MTA1: variants seen among roughly 807,000 people sequenced by gnomAD.
MTA1 encodes the protein metastasis-associated protein MTA1.
A neutral mutation model predicts 97.0 loss-of-function variants in MTA1; 15 were observed. That is an observed-to-expected ratio of 0.15 (90% confidence interval 0.10 to 0.24). The LOEUF (loss-of-function observed/expected upper bound fraction) is 0.24, where lower values mean the gene tolerates loss of function less well. MTA1 is among the 10% of genes least tolerant of loss of function. MTA1 has a pLI of 1.00. For synonymous variants in MTA1, 435 were observed against 417.5 expected (o/e 1.04, Z -0.51); for missense variants, 709 against 1,015.1 (o/e 0.70, Z 4.10).
At chr14:105,450,370 C>G (rs1555428337) in intron 6 of MTA1, 46 bp downstream of exon 6, 3 of 1,572,648 alleles carry the variant, frequency 1.9e-6, no homozygotes, top group African/African-American at 2.7e-5. Flanking sequence ...TCCCGGGCCA[C>G]TGTTTCCTCT....
intron 15 of MTA1, 60 bp from the exon 16 acceptor site, chr14:105,465,034 G>T (rs1481699365): frequency 6.9e-7 from 1 of 1,452,638 alleles, no homozygotes; most frequent in South Asian, 1.4e-5. Flanking sequence ...TCAAGGCGCA[G>T]GCAGGGTCCC....
In MTA1 at chr14:105,466,543, G is replaced by A; in HGVS notation, c.1742G>A (p.Gly581Asp). 1 of 1,585,448 alleles carries A rather than the reference G, an allele frequency of 6.3e-7. No individual in the cohort carries two copies. The highest frequency in any genetic ancestry group is 1.8e-5 in the Admixed American group (1 of 56,458). ...AACAACGGCTCCCCCACCATCCTGGGCAAGCGCAGCTACGAGCAGCACAAC... is the reference window on the plus strand; with the variant it reads ...AACAACGGCTCCCCCACCATCCTGGACAAGCGCAGCTACGAGCAGCACAAC... ...VINNGSPTIL[G>D]KRSYEQHNGV... The change falls in exon 17 of 21, where the codon GGC becomes GAC. Residue 581 changes from glycine to aspartate, a missense_variant. By Grantham distance (94) the Gly-to-Asp change is moderately conservative (BLOSUM62 -1). Around this residue, in one of 2 missense-constraint regions of MTA1, gnomAD observed 388 missense variants for 421.6 expected, o/e 0.92. Coordinates refer to ENST00000331320, the MANE Select transcript of MTA1 (RefSeq NM_004689.4).
intron 2 of MTA1, 27 bp downstream of exon 2, chr14:105,438,766 AG>A (rs782252818): frequency 7.9e-6 from 12 of 1,524,924 alleles, no homozygotes; most frequent in East Asian, 2.4e-5. Flanking sequence ...GTGTTGCTGC[AG>A]GGGGGTAGTG....
rs976087213 is a variant in MTA1, at chr14:105,464,987, G to A, written c.1535-107G>A. On this transcript the variant is annotated intron_variant, in intron 15 of 20. Coordinates refer to ENST00000331320, the MANE Select transcript of MTA1 (RefSeq NM_004689.4). ...TCTCAGGGAGCCCCACGTCCTCCTCGGTGCTGACATGGCCGAGCCCAGTGA... is the reference window on the plus strand; with the variant it reads ...TCTCAGGGAGCCCCACGTCCTCCTCAGTGCTGACATGGCCGAGCCCAGTGA... 22 of 1,421,306 alleles carry A rather than the reference G, an allele frequency of 1.5e-5. No homozygotes were observed. The South Asian group carries it at 1.7e-4, about 11-fold the overall frequency. The allele number at this position is 1,421,306 out of a possible 1,614,324, so 88.0% of individuals were successfully genotyped here.
chr14:105,457,542 T>C (rs1477899921), intron 7 of MTA1, among the ~76,000 whole-genome samples: 1 of 152,236 alleles, frequency 6.6e-6, no homozygotes, highest in East Asian at 1.9e-4. Context: ...AGGGAGCCTG[T>C]GCCCCCAGAA....
intron 3 of MTA1, chr14:105,445,909 G>A (rs1179188199): frequency 2.9e-6 from 1 of 342,612 alleles, no homozygotes; most frequent in Admixed American, 4.5e-5. Context: ...TTTGCGGAGA[G>A]GCTTCTGTTG....
Position 105,449,977 on chromosome 14 carries a change from G to A in MTA1, c.242-81G>A, listed in dbSNP as rs117193126. On this transcript the variant is annotated intron_variant, in intron 4 of 20. Transcript: ENST00000331320. ...AGGACTGGGCCTCCTGCGTGCTGGC[G>A]CCAGGTGGGGCTGGTGGGGTGGGCC... 780 of 1,590,532 alleles carry A rather than the reference G, an allele frequency of 4.9e-4. 9 individuals are homozygous for A. In the East Asian group the frequency reaches 0.017, roughly 34 times the overall value.
chr14:105,464,591 G>A, intron 14 of MTA1, 24 bp downstream of exon 14: 1 of 1,611,892 alleles, frequency 6.2e-7, no homozygotes. Flanking sequence ...CACCCGCCCT[G>A]CCTGCCATGA....
chr14:105,462,957 C>T (rs2083416783), intron 10 of MTA1, among the ~76,000 whole-genome samples: 1 of 152,240 alleles, frequency 6.6e-6, no homozygotes, highest in Admixed American at 6.5e-5. Context: ...GCCAGCTCCT[C>T]TTCCCCTGGC....
Position 105,470,266 on chromosome 14 carries a change from C to T in MTA1, c.*51C>T, listed in dbSNP as rs1206360587. 1 of 1,367,540 alleles carries T rather than the reference C, an allele frequency of 7.3e-7. No homozygotes were observed. The highest frequency in any genetic ancestry group is 1.6e-5 in the African/African-American group (1 of 64,480). 84.7% of individuals were successfully genotyped at this position (1,367,540 alleles called of 1,614,324 possible). ...CCCGCCCCTCGCCCGCCCACACGGC[C>T]CCTTCCCAGCCAGCCCGCCGCCCGC... On this transcript the variant is annotated 3_prime_UTR_variant, in exon 21 of 21. Coordinates refer to ENST00000331320, the MANE Select transcript of MTA1 (RefSeq NM_004689.4).
At chr14:105,467,097 G>T (rs961815616) in intron 18 of MTA1, 1 of 437,732 alleles carries the variant, frequency 2.3e-6, no homozygotes, top group East Asian at 4.8e-5. Context: ...CAATCCTTCC[G>T]TGCGCCTGCC....
chr14:105,431,163 C>G (rs1011041722), intron 1 of MTA1, among the ~76,000 whole-genome samples: 3 of 152,144 alleles, frequency 2.0e-5, no homozygotes, highest in Non-Finnish European at 2.9e-5. Context: ...CAAGACTGTC[C>G]TCACTTCTCC....
chr14:105,460,736 C>T (rs782182755), intron 9 of MTA1, 29 bp from the exon 10 acceptor site: 2 of 1,536,742 alleles, frequency 1.3e-6, no homozygotes, highest in Non-Finnish European at 1.8e-6. Context: ...CCACCTTGGC[C>T]CGGGTGACCC....
At chr14:105,454,927 A>G (rs1314855450) in intron 7 of MTA1, among the ~76,000 whole-genome samples, 1 of 149,910 alleles carries the variant, frequency 6.7e-6, no homozygotes, top group Non-Finnish European at 1.5e-5. Context: ...TTTTTTTTGG[A>G]CAAGGTCTGG....
At chr14:105,442,512 T>G (rs2082570794) in intron 2 of MTA1, among the ~76,000 whole-genome samples, 1 of 152,240 alleles carries the variant, frequency 6.6e-6, no homozygotes, top group Non-Finnish European at 1.5e-5. Flanking sequence ...CTGTGATGAT[T>G]CCATGAAAAA....
intron 6 of MTA1, among the ~76,000 whole-genome samples, chr14:105,451,823 T>C (rs1555428795): frequency 8.0e-6 from 1 of 125,038 alleles, no homozygotes; most frequent in African/African-American, 2.9e-5. Flanking sequence ...AGAGTTTCGC[T>C]CTTGTTGCCC....
chr14:105,419,917 C>CA lies in MTA1; in HGVS notation c.-119_-118insA. On this transcript the variant is annotated 5_prime_UTR_variant, in exon 1 of 21. Transcript: ENST00000331320. Reference sequence around the variant, plus strand: ...GCGGCGGCGGCGGCGGCGGCAGCAGCGCGGCCCCTTTAAACGCCTGCGGCG... The same window carrying CA: ...GCGGCGGCGGCGGCGGCGGCAGCAGCAGCGGCCCCTTTAAACGCCTGCGGCG... 3.5e-6 allele frequency: 1 copy of CA among 287,206 alleles called. No individual in the cohort carries two copies. The highest frequency in any genetic ancestry group is 5.2e-6 in the Non-Finnish European group (1 of 193,430). The allele number at this position is 287,206 out of a possible 1,614,324, so 17.8% of individuals were successfully genotyped here.
intron 1 of MTA1, among the ~76,000 whole-genome samples, chr14:105,428,936 A>G (rs587706249): frequency 4.4e-4 from 67 of 152,006 alleles, no homozygotes; most frequent in Middle Eastern, 6.8e-3. Flanking sequence ...TGTTGCCCAC[A>G]CTAGTCTCAA....
chr14:105,465,166 C>T lies in MTA1; in HGVS notation c.1607C>T (p.Ala536Val). The change falls in exon 16 of 21, where the codon GCC (alanine) becomes GTC (valine). Residue 536 changes from alanine to valine, a missense_variant. Around this residue, in one of 2 missense-constraint regions of MTA1, gnomAD observed 388 missense variants for 421.6 expected, o/e 0.92. Coordinates refer to ENST00000331320, the MANE Select transcript of MTA1 (RefSeq NM_004689.4). Reference sequence around the variant, plus strand: ...CAGGCGGTACGCAAGCCGCTGGAAGCCGTGCTTCGGTATCTTGGTGAGCAG... The same window carrying T: ...CAGGCGGTACGCAAGCCGCTGGAAGTCGTGCTTCGGTATCTTGGTGAGCAG... The part of the protein sequence containing the change: ...LKQAVRKPLE[A>V]VLRYLETHPR... The T allele has an allele frequency of 2.6e-6, 4 of 1,521,568 alleles. No homozygotes were observed. The highest frequency in any genetic ancestry group is 3.5e-6 in the Non-Finnish European group (4 of 1,128,332). The allele number at this position is 1,521,568 out of a possible 1,614,324, so 94.3% of individuals were successfully genotyped here.
Sources: gnomAD v4.1 joint callset for allele counts (sites outside exome capture counted in the v4.1 genomes callset) on GRCh38, gnomAD v4.1.1 for gene constraint, gnomAD v4.1.1 regional missense constraint, MANE v1.5 for transcripts, NCBI Gene and HGNC (gene_info 2026-07-23, HGNC 2026-07-21) for gene names.